ZNF33B: variants seen among roughly 807,000 people sequenced by gnomAD.
ZNF33B encodes the protein zinc finger protein 33B, also known as zinc finger protein 11b (KOX 2).
ZNF33B carries 29 observed loss-of-function variants against 45.8 expected under a neutral mutation model. The ratio of observed to expected loss-of-function variants is 0.63; its 90% CI spans 0.47 to 0.86. The LOEUF (loss-of-function observed/expected upper bound fraction) is 0.86. Among genes scored for constraint, ZNF33B ranks in the 40% least tolerant of loss-of-function variants. The probability of loss-of-function intolerance (pLI) is 0.00; values close to 1 mark genes in which losing one functional copy is unlikely to be tolerated. For synonymous variants in ZNF33B, 305 were observed against 307.8 expected (o/e 0.99, Z 0.10); for missense variants, 831 against 909.9 (o/e 0.91, Z 1.12).
chr10:42,582,749 CA>C (rs1836850809), intron 1 of ZNF33B: 1 of 179,938 alleles, frequency 5.6e-6, no homozygotes, highest in Admixed American at 6.1e-5. Context: ...CCAGATAGGA[CA>C]CCTGAGGCTG....
rs763204349 is a variant in ZNF33B, at chr10:42,592,638, T to C, written c.2312A>G (p.His771Arg). Residue 771 changes from histidine to arginine, a missense_variant, in exon 5 of 5, where the codon CAC becomes CGC. Transcript: ENST00000359467. Reference protein sequence around the residue: ...KSNLIVHQRTHIGEKPYE With the variant: ...KSNLIVHQRTRIGEKPYE ...TCATTCATAAGGTTTTTCTCCTATG[T>C]GTGTTCTCTGATGTACAATGAGATT... 7 of 1,613,510 alleles carry C rather than the reference T, an allele frequency of 4.3e-6. No homozygotes were observed. The East Asian group carries it at 8.9e-5, about 21-fold the overall frequency.
At chr10:42,611,083 G>T (rs1313906006) in intron 4 of ZNF33B, among the ~76,000 whole-genome samples, 5 of 152,090 alleles carry the variant, frequency 3.3e-5, no homozygotes, top group Non-Finnish European at 7.4e-5. Context: ...GGTAGCTCAC[G>T]CCTGTAATCC....
At chr10:42,609,920 T>C (rs1297031980) in intron 4 of ZNF33B, among the ~76,000 whole-genome samples, 1 of 152,162 alleles carries the variant, frequency 6.6e-6, no homozygotes, top group Non-Finnish European at 1.5e-5. Context: ...TGAGCCTGAT[T>C]AAAGGCATCT....
At chr10:42,614,595 T>C (rs1459062504) in intron 4 of ZNF33B, among the ~76,000 whole-genome samples, 2 of 152,172 alleles carry the variant, frequency 1.3e-5, no homozygotes, top group Non-Finnish European at 2.9e-5. Flanking sequence ...CTGTAAGTCA[T>C]GAAATAAAGT....
intron 4 of ZNF33B, among the ~76,000 whole-genome samples, chr10:42,596,607 G>T (rs990490561): frequency 1.3e-5 from 2 of 151,938 alleles, no homozygotes; most frequent in African/African-American, 4.8e-5. Flanking sequence ...CACTTGTTTA[G>T]GTCTTCAATT....
chr10:42,603,595 T>C (rs1031833869), intron 4 of ZNF33B, among the ~76,000 whole-genome samples: 12 of 152,234 alleles, frequency 7.9e-5, no homozygotes, highest in African/African-American at 2.6e-4. Flanking sequence ...AATGGCAACA[T>C]AAAAAGCAAA....
intron 4 of ZNF33B, among the ~76,000 whole-genome samples, chr10:42,597,949 G>C (rs2132053045): frequency 6.6e-6 from 1 of 152,160 alleles, no homozygotes; most frequent in African/African-American, 2.4e-5. Flanking sequence ...GGAAACACCT[G>C]TTTATGCAGT....
Position 42,638,553 on chromosome 10 carries a change from CG to C in ZNF33B, c.-125del. ...TCCCGGGACCGCCTCCCACGCAAAA[CG>C]TGAGACAAACAAAAGGAAAGGCGGA... On this transcript the variant is annotated 5_prime_UTR_variant, in exon 1 of 5. Coordinates refer to ENST00000359467, the MANE Select transcript of ZNF33B (RefSeq NM_006955.3). 1 of 477,486 alleles carries C rather than the reference CG, an allele frequency of 2.1e-6. No homozygotes were observed. The highest frequency in any genetic ancestry group is 2.2e-5 in the Admixed American group (1 of 44,492). 29.6% of individuals were successfully genotyped at this position (477,486 alleles called of 1,614,324 possible).
At chr10:42,618,805 C>T (rs1259620586) in intron 4 of ZNF33B, among the ~76,000 whole-genome samples, 1 of 152,092 alleles carries the variant, frequency 6.6e-6, no homozygotes, top group Non-Finnish European at 1.5e-5. Context: ...TATTGATACT[C>T]CCGTTTGTGT....
rs970191807 is a variant in ZNF33B at position 42,593,393 on chromosome 10, A to G, written c.1557T>C (p.His519=). 4 of 1,613,612 alleles carry G rather than the reference A, an allele frequency of 2.5e-6. No individual in the cohort carries two copies. The highest frequency in any genetic ancestry group is 1.7e-5 in the Admixed American group (1 of 59,952). ...AACATTCATAAGGTTTCAACCCTGT[A>G]TGAATTATCTGATGCCTGGTGAGTA... ...KSVLTRHQII[H]TGLKPYECYE... is the part of the protein sequence containing the mutation. The change falls in exon 5 of 5, where the codon CAT becomes CAC. Residue 519 remains histidine (H), a synonymous_variant. Transcript: ENST00000359467.
At chr10:42,628,537 T>C (rs1244431350) in intron 4 of ZNF33B, among the ~76,000 whole-genome samples, 3 of 152,230 alleles carry the variant, frequency 2.0e-5, no homozygotes, top group Non-Finnish European at 4.4e-5. Flanking sequence ...TTAGGATCAT[T>C]GCATTTTTGT....
downstream of ZNF33B, among the ~76,000 whole-genome samples, chr10:42,585,290 G>T (rs1836909257): frequency 6.6e-6 from 1 of 152,208 alleles, no homozygotes; most frequent in South Asian, 2.1e-4. Context: ...TTTTTATAAT[G>T]AACACGACCT....
At chr10:42,638,202 G>C (rs1050132755) in intron 1 of ZNF33B, among the ~76,000 whole-genome samples, 1 of 152,266 alleles carries the variant, frequency 6.6e-6, no homozygotes, top group Non-Finnish European at 1.5e-5. Context: ...CCTCCCGCAA[G>C]GCTCAGCGCT....
At chr10:42,608,141 C>T (rs1263301125) in intron 4 of ZNF33B, among the ~76,000 whole-genome samples, 1 of 151,952 alleles carries the variant, frequency 6.6e-6, no homozygotes, top group Non-Finnish European at 1.5e-5. Context: ...AAGGGTCAAT[C>T]GATAAAGGAG....
chr10:42,612,663 C>T (rs1385047581), intron 4 of ZNF33B, among the ~76,000 whole-genome samples: 1 of 152,128 alleles, frequency 6.6e-6, no homozygotes, highest in Non-Finnish European at 1.5e-5. Context: ...TGCGGTTTTT[C>T]TTCTTCACAA....
At chr10:42,637,781 T>C (rs1262197400) in intron 1 of ZNF33B, among the ~76,000 whole-genome samples, 3 of 152,066 alleles carry the variant, frequency 2.0e-5, no homozygotes, top group Non-Finnish European at 4.4e-5. Flanking sequence ...TCTGCCTCAG[T>C]AGCTGGGATT....
intron 4 of ZNF33B, 146 bp from the exon 5 acceptor site, chr10:42,594,845 T>C: frequency 1.0e-6 from 1 of 983,086 alleles, no homozygotes; most frequent in South Asian, 2.5e-5. Flanking sequence ...GTGCATATTT[T>C]TTTGTATTTC....
chr10:42,638,508 G>C lies in ZNF33B; in HGVS notation c.-79C>G. On this transcript the variant is annotated 5_prime_UTR_variant, in exon 1 of 5. Coordinates refer to ENST00000359467, the MANE Select transcript of ZNF33B (RefSeq NM_006955.3). ...TCTTCGGGTTGCATTCGCCATAAGA[G>C]AGCCGGTAGACCCCTGAAATCCCGG... The C allele has an allele frequency of 2.3e-5, 11 of 481,782 alleles. No individual in the cohort carries two copies. Among genetic ancestry groups the C allele is most frequent in the South Asian group, 1.6e-4 (11 of 67,328 alleles). The allele number at this position is 481,782 out of a possible 1,614,324, so 29.8% of individuals were successfully genotyped here. A position where few individuals can be genotyped will look rare whatever the true frequency, so the allele number is the denominator to read the frequency against.
downstream of ZNF33B, among the ~76,000 whole-genome samples, chr10:42,587,166 T>C (rs1836951795): frequency 1.3e-5 from 2 of 152,152 alleles, no homozygotes; most frequent in Non-Finnish European, 2.9e-5. Flanking sequence ...TGCAAGCTGT[T>C]GCACTGAGGA....
Sources: allele counts gnomAD v4.1 joint callset (sites outside exome capture counted in the v4.1 genomes callset), GRCh38; gene constraint gnomAD v4.1.1; transcripts MANE v1.5; gene names NCBI Gene and HGNC (gene_info 2026-07-23, HGNC 2026-07-21).